SLC25A30: variants seen among roughly 807,000 people sequenced by gnomAD.
SLC25A30 encodes the protein kidney mitochondrial carrier protein 1.
A neutral mutation model predicts 42.7 loss-of-function variants in SLC25A30; 29 were observed. That is an observed-to-expected ratio of 0.68 (90% CI 0.51 to 0.93). SLC25A30 has a LOEUF of 0.93. Ranked by LOEUF, SLC25A30 falls within the 40% of genes least tolerant of loss-of-function variation. The pLI, the probability that SLC25A30 is intolerant of heterozygous loss-of-function variation, is 0.00. For missense variants in SLC25A30, 300 were observed against 359.7 expected (o/e 0.83, Z 1.34); for synonymous variants, 124 against 131.0 (o/e 0.95, Z 0.37).
chr13:45,395,960 G>A lies in SLC25A30; in HGVS notation c.*14C>T, dbSNP rs1881276866. ...TACCATTTTCAGAAAGATGTCTCAT[G>A]CAGCCTTGGCTTGTCACAAATCCAA... On this transcript the variant is annotated 3_prime_UTR_variant, in exon 10 of 10. Coordinates refer to ENST00000519676, the MANE Select transcript of SLC25A30 (RefSeq NM_001010875.4). 3.1e-6 allele frequency: 5 copies of A among 1,614,142 alleles called. No homozygotes were observed. The East Asian group carries it at 8.9e-5, about 29-fold the overall frequency.
At chr13:45,423,594 T>TATATATATAAATATATATAAA in the SLC25A30 span, among the ~76,000 whole-genome samples, 2 of 92,140 alleles carry the variant, frequency 2.2e-5, no homozygotes, top group Non-Finnish European at 4.0e-5. Flanking sequence ...TATATAAATA[T>TATATATATAAATATATATAAA]ATATATATAT....
chr13:45,423,307 A>G (rs1211533217), upstream of SLC25A30, among the ~76,000 whole-genome samples: 1 of 151,764 alleles, frequency 6.6e-6, no homozygotes, highest in Admixed American at 6.6e-5. Context: ...TAGACACAAT[A>G]GTAAGAACAA....
At position 45,396,041 on chromosome 13, in the gene SLC25A30, C is replaced by A. The variant is rs202176848; in HGVS notation, c.835-26G>T. 87 of 1,614,188 alleles carry A rather than the reference C, an allele frequency of 5.4e-5. No individual in the cohort carries two copies. The African/African-American group carries it at 1.0e-3, about 19-fold the overall frequency. The stretch of plus-strand genomic sequence containing the variant: ...CTGTGGTTATGGGTTAAGGATGACA[C>A]AGAAAATGCCATCTTCACAACTCCA... On this transcript the variant is annotated intron_variant, in intron 9 of 9. Transcript: ENST00000519676.
chr13:45,396,188 G>A, intron 9 of SLC25A30, 173 bp from the exon 10 acceptor site: 1 of 1,475,428 alleles, frequency 6.8e-7, no homozygotes, highest in Non-Finnish European at 9.0e-7. Flanking sequence ...TATCTTCCAA[G>A]GTCAGCTTGG....
intron 1 of SLC25A30, among the ~76,000 whole-genome samples, chr13:45,413,758 G>A (rs1161495455): frequency 6.6e-6 from 1 of 152,158 alleles, no homozygotes; most frequent in East Asian, 1.9e-4. Context: ...TCGCCATGTT[G>A]GCCAGGCTGG....
intron 4 of SLC25A30, among the ~76,000 whole-genome samples, chr13:45,405,207 G>A (rs1415315846): frequency 6.6e-6 from 1 of 152,148 alleles, no homozygotes; most frequent in Non-Finnish European, 1.5e-5. Context: ...TTACAGGCAC[G>A]CGCCACCGCA....
intron 1 of SLC25A30, among the ~76,000 whole-genome samples, chr13:45,414,678 G>A (rs1038997048): frequency 1.5e-5 from 2 of 135,538 alleles, no homozygotes; most frequent in African/African-American, 5.8e-5. Flanking sequence ...ACACGAAAAC[G>A]GTTCTAGTTA....
At chr13:45,425,724 G>A in the SLC25A30 span, among the ~76,000 whole-genome samples, 3 of 137,882 alleles carry the variant, frequency 2.2e-5, no homozygotes, top group South Asian at 4.3e-4. Context: ...ACTGAGTCTC[G>A]CTGTATCCCC....
chr13:45,399,695 G>A (rs1881730364), intron 7 of SLC25A30, among the ~76,000 whole-genome samples: 2 of 151,990 alleles, frequency 1.3e-5, no homozygotes, highest in Admixed American at 1.3e-4. Flanking sequence ...ATCCTCCAAG[G>A]ATGATCTTTT....
the SLC25A30 span, among the ~76,000 whole-genome samples, chr13:45,424,174 T>C: frequency 1.0e-5 from 1 of 99,872 alleles, no homozygotes; most frequent in East Asian, 3.2e-4. Flanking sequence ...TATATCAATA[T>C]ATATAAATAT....
rs1260862622 is a variant in SLC25A30 at position 45,397,279 on chromosome 13, T to C, written c.813A>G (p.Arg271=). 6.8e-6 allele frequency: 11 copies of C among 1,611,528 alleles called. No individual in the cohort carries two copies. The highest frequency in any genetic ancestry group is 8.5e-6 in the Non-Finnish European group (10 of 1,177,924). Residue 271 remains arginine, a synonymous_variant, in exon 9 of 10, where the codon AGA becomes AGG. Coordinates refer to ENST00000519676, the MANE Select transcript of SLC25A30 (RefSeq NM_001010875.4). ...ATACAATGATATTCCAAGGACCAAG[T>C]CTCAACCAATTTGGCCAAAAGCCTT... ...LYKGFWPNWL[R]LGPWNIIFFV... is the part of the protein sequence containing the mutation.
At position 45,404,366 on chromosome 13, in the gene SLC25A30, G is replaced by A; in HGVS notation, c.354C>T (p.Val118=). The part of the protein sequence containing the change: ...INVICGILSG[V]ISSTIANPTD... ...TTGGATTAGCAATGGTTGAAGATAT[G>A]ACTCCAGACAGAATTCCACATATCA... is the stretch of plus-strand genomic sequence containing the variant. Residue 118 remains valine (V), a synonymous_variant, in exon 5 of 10, where the codon GTC becomes GTT. Transcript: ENST00000519676. 2 of 1,613,610 alleles carry A rather than the reference G, an allele frequency of 1.2e-6. No individual in the cohort carries two copies. The highest frequency in any genetic ancestry group is 2.2e-5 in the East Asian group (1 of 44,870).
the SLC25A30 span, among the ~76,000 whole-genome samples, chr13:45,424,526 A>AATATATATAAATATATAAAT: frequency 2.6e-5 from 2 of 76,828 alleles, no homozygotes; most frequent in Non-Finnish European, 4.5e-5. Context: ...AATATATAAA[A>AATATATATAAATATATAAAT]ATATATATAA....
At chr13:45,425,553 T>C in the SLC25A30 span, among the ~76,000 whole-genome samples, 2 of 75,548 alleles carry the variant, frequency 2.6e-5, no homozygotes, top group Non-Finnish European at 5.4e-5. Flanking sequence ...TATATATAAG[T>C]ATATATATAA....
chr13:45,411,885 G>A (rs1284428114), intron 1 of SLC25A30: 4 of 163,162 alleles, frequency 2.5e-5, no homozygotes, highest in Non-Finnish European at 4.0e-5. Context: ...GCCAAGGTAG[G>A]AGAATTGTTT....
chr13:45,404,774 C>T (rs914249483), intron 4 of SLC25A30, among the ~76,000 whole-genome samples: 4 of 152,162 alleles, frequency 2.6e-5, no homozygotes, highest in South Asian at 2.1e-4. Context: ...ACCAAGACCA[C>T]GCCACTGTAC....
In SLC25A30 at chr13:45,395,872, T is replaced by C; in HGVS notation, c.*102A>G. On this transcript the variant is annotated 3_prime_UTR_variant, in exon 10 of 10. Transcript: ENST00000519676. ...TTCATCTGTTGCTCACATCCCAGAATCTGTGATGAGCCAAGCAGTGAGAAG... is the reference window on the plus strand; with the variant it reads ...TTCATCTGTTGCTCACATCCCAGAACCTGTGATGAGCCAAGCAGTGAGAAG... The C allele has an allele frequency of 1.2e-6, 2 of 1,609,082 alleles. No individual in the cohort carries two copies. The highest frequency in any genetic ancestry group is 1.7e-6 in the Non-Finnish European group (2 of 1,177,410).
intron 1 of SLC25A30, among the ~76,000 whole-genome samples, chr13:45,415,927 G>A (rs140165969): frequency 0.046 from 6,759 of 147,976 alleles, 325 homozygotes; most frequent in African/African-American, 0.12. Context: ...ATCCTCCTGA[G>A]TAACTGGGAT....
the SLC25A30 span, among the ~76,000 whole-genome samples, chr13:45,425,140 A>T: frequency 1.1e-5 from 1 of 93,746 alleles, no homozygotes; most frequent in African/African-American, 4.3e-5. Flanking sequence ...GTATATAAAT[A>T]TATATAAATA....
Sources: gnomAD v4.1 joint callset for allele counts (sites outside exome capture counted in the v4.1 genomes callset) on GRCh38, gnomAD v4.1.1 for gene constraint, MANE v1.5 for transcripts, NCBI Gene and HGNC (gene_info 2026-07-23, HGNC 2026-07-21) for gene names.